KRABD3: variants seen among roughly 807,000 people sequenced by gnomAD.
KRABD3 encodes the protein KRAB domain-containing protein 3.
At chr7:149,729,154 G>A in the KRABD3 span, 4 of 1,445,538 alleles carry the variant, frequency 2.8e-6, no homozygotes, top group East Asian at 7.6e-5. Context: ...GGCCCCGTGG[G>A]GCTGACAGGC....
the KRABD3 span, chr7:149,720,100 G>A: frequency 3.2e-6 from 5 of 1,553,128 alleles, no homozygotes; most frequent in South Asian, 3.6e-5. Flanking sequence ...TGAGGGGCAG[G>A]AGCCTGCTGG....
chr7:149,715,154 CG>C, the KRABD3 span: 1 of 1,229,266 alleles, frequency 8.1e-7, no homozygotes, highest in Admixed American at 4.2e-5. Flanking sequence ...CCCGCAACTT[CG>C]GGATCGGCTG....
At chr7:149,722,897 G>T in the KRABD3 span, 2 of 1,613,378 alleles carry the variant, frequency 1.2e-6, no homozygotes, top group African/African-American at 2.7e-5. Context: ...CCTCTCCCTA[G>T]CCTGGGCACG....
the KRABD3 span, among the ~76,000 whole-genome samples, chr7:149,728,326 G>T: frequency 6.6e-6 from 1 of 152,222 alleles, no homozygotes; most frequent in Admixed American, 6.5e-5. Flanking sequence ...TTCTATGTGG[G>T]TGGCCAGGAC....
chr7:149,721,349 C>A, the KRABD3 span: 1 of 1,558,684 alleles, frequency 6.4e-7, no homozygotes, highest in African/African-American at 1.4e-5. Context: ...GGGCATCTTA[C>A]CAGTTGTTGA....
chr7:149,715,332 A>C, the KRABD3 span: 1 of 1,210,400 alleles, frequency 8.3e-7, no homozygotes, highest in South Asian at 4.3e-5. Flanking sequence ...TAGAGTGGGC[A>C]TGAAGGCCTC....
At chr7:149,733,575 A>G in the KRABD3 span, 7 of 1,599,974 alleles carry the variant, frequency 4.4e-6, no homozygotes, top group African/African-American at 4.0e-5. Flanking sequence ...CATCTGCCCT[A>G]CTGGAGGCAG....
chr7:149,731,535 T>C, the KRABD3 span: 1 of 741,714 alleles, frequency 1.3e-6, no homozygotes, highest in Non-Finnish European at 2.3e-6. Context: ...GGCTCCCTCA[T>C]GGGCCAAGTT....
At chr7:149,723,801 C>G in the KRABD3 span, 2 of 1,613,948 alleles carry the variant, frequency 1.2e-6, no homozygotes, top group South Asian at 2.2e-5. Context: ...AGGAGCTCCC[C>G]GAGGCCCAGG....
At chr7:149,730,735 G>A in the KRABD3 span, 3 of 894,586 alleles carry the variant, frequency 3.4e-6, no homozygotes, top group African/African-American at 5.0e-5. Context: ...CCGAGAAGGA[G>A]GGCGGGGCTG....
chr7:149,726,330 C>A, the KRABD3 span, among the ~76,000 whole-genome samples: 1 of 152,206 alleles, frequency 6.6e-6, no homozygotes, highest in African/African-American at 2.4e-5. Context: ...GGCACAGTGG[C>A]TCACGCCTGT....
chr7:149,730,368 G>A, the KRABD3 span: 2 of 1,549,024 alleles, frequency 1.3e-6, no homozygotes, highest in Non-Finnish European at 1.7e-6. Flanking sequence ...AGGGAGGATA[G>A]CGGGATGTGT....
chr7:149,731,722 G>T, the KRABD3 span: 1 of 1,612,406 alleles, frequency 6.2e-7, no homozygotes, highest in South Asian at 1.1e-5. Context: ...AAGGCCCAGG[G>T]TTAGTGAAGC....
chr7:149,722,846 C>T, the KRABD3 span: 1 of 1,613,478 alleles, frequency 6.2e-7, no homozygotes, highest in Non-Finnish European at 8.5e-7. Context: ...ATCCTTGTGC[C>T]TGGGCCCCGG....
the KRABD3 span, chr7:149,719,536 G>T: frequency 6.4e-7 from 1 of 1,563,094 alleles, no homozygotes; most frequent in Non-Finnish European, 8.6e-7. The surrounding 1 kb of genome is among the most constrained non-coding windows in gnomAD (Gnocchi z 5.6). Context: ...CCCGGAGACT[G>T]TGCCTGCAGG....
chr7:149,719,438 T>G, the KRABD3 span: 1 of 1,192,794 alleles, frequency 8.4e-7, no homozygotes, highest in Non-Finnish European at 1.1e-6. This position sits in a 1 kb window ranked among gnomAD's most constrained non-coding sequence, Gnocchi z 5.6. Context: ...CTGGCTATTA[T>G]CCTGGAGTGT....
the KRABD3 span, chr7:149,719,636 G>T: frequency 1.2e-6 from 2 of 1,609,118 alleles, no homozygotes; most frequent in African/African-American, 2.7e-5. The surrounding 1 kb of genome is among the most constrained non-coding windows in gnomAD (Gnocchi z 5.6). Context: ...CTACCGAGAC[G>T]TGATGCGGGA....
the KRABD3 span, chr7:149,719,744 A>G: frequency 1.3e-6 from 2 of 1,507,076 alleles, no homozygotes; most frequent in Admixed American, 2.2e-5. This position sits in a 1 kb window ranked among gnomAD's most constrained non-coding sequence, Gnocchi z 5.6. Context: ...GAGTCCCTGG[A>G]CCCGGCAGCC....
chr7:149,726,075 C>A, the KRABD3 span: 1 of 1,601,384 alleles, frequency 6.2e-7, no homozygotes, highest in East Asian at 2.2e-5. Flanking sequence ...GCTGGGCCAG[C>A]CCGAGGCTGG....
Sources: gnomAD v4.1 joint callset for allele counts (sites outside exome capture counted in the v4.1 genomes callset) on GRCh38, gnomAD v4.1.1 for gene constraint, Gnocchi (gnomAD v3.1) non-coding constraint, MANE v1.5 for transcripts, NCBI Gene and HGNC (gene_info 2026-07-23, HGNC 2026-07-21) for gene names.